Variants in CERS6 observed in about 807,000 individuals in gnomAD.
CERS6 encodes LAG1 homolog, ceramide synthase 6.
CERS6 carries 26 observed loss-of-function variants against 56.8 expected under a neutral mutation model. That is an observed-to-expected ratio of 0.46 (90% CI 0.34 to 0.63). The LOEUF (loss-of-function observed/expected upper bound fraction) is 0.63. CERS6 is among the 30% of genes least tolerant of loss of function. The pLI, the probability that CERS6 is intolerant of heterozygous loss-of-function variation, is 0.01. For synonymous variants in CERS6, 164 were observed against 173.3 expected (o/e 0.95, Z 0.42); for missense variants, 415 against 467.5 (o/e 0.89, Z 1.04).
intron 1 of CERS6, among the ~76,000 whole-genome samples, chr2:168,504,528 C>T (rs1901836): frequency 0.04 from 6,060 of 152,132 alleles, 221 homozygotes; most frequent in East Asian, 0.18. Context: ...TGCCTTTCCA[C>T]GTGAAGGCAA....
chr2:168,631,832 AT>A (rs1559028505), intron 4 of CERS6, among the ~76,000 whole-genome samples: 1 of 131,284 alleles, frequency 7.6e-6, no homozygotes, highest in Non-Finnish European at 1.5e-5. Flanking sequence ...ATTATATAAT[AT>A]ATATTATATA....
Position 168,663,901 on chromosome 2 carries a change from C to G in CERS6, c.466-27133C>G, listed in dbSNP as rs989516577. 3.3e-5 allele frequency among the ~76,000 whole-genome samples: 5 copies of G among 152,124 alleles called. No homozygotes were observed. The East Asian group carries it at 9.6e-4, about 29-fold the overall frequency. On this transcript the variant is annotated intron_variant, in intron 4 of 9. Transcript: ENST00000305747. ...AATTTGGGTCAGTTAAAAAAAATGGCTGCTCTTCACTGCTTTTCAGTAATA... is the reference window on the plus strand; with the variant it reads ...AATTTGGGTCAGTTAAAAAAAATGGGTGCTCTTCACTGCTTTTCAGTAATA...
intron 6 of CERS6, among the ~76,000 whole-genome samples, chr2:168,700,107 A>G (rs990355487): frequency 3.3e-5 from 5 of 150,328 alleles, no homozygotes; most frequent in Non-Finnish European, 4.5e-5. Flanking sequence ...TAAACCCGAG[A>G]GAAACACTAC....
chr2:168,631,788 TTA>T (rs1491192544), intron 4 of CERS6, among the ~76,000 whole-genome samples: 5 of 129,604 alleles, frequency 3.9e-5, no homozygotes, highest in Non-Finnish European at 6.3e-5. Flanking sequence ...TGTATATTTG[TTA>T]TATATAATAT....
At chr2:168,535,518 G>T (rs1695245469) in intron 1 of CERS6, among the ~76,000 whole-genome samples, 1 of 152,074 alleles carries the variant, frequency 6.6e-6, no homozygotes, top group Non-Finnish European at 1.5e-5. Flanking sequence ...GATCATGCCA[G>T]CCTCCTAGTG....
At chr2:168,517,422 G>A (rs1412788075) in intron 1 of CERS6, among the ~76,000 whole-genome samples, 1 of 151,834 alleles carries the variant, frequency 6.6e-6, no homozygotes, top group Non-Finnish European at 1.5e-5. Context: ...AACCCAGGAA[G>A]CGGAGGTCAC....
intron 9 of CERS6, among the ~76,000 whole-genome samples, chr2:168,768,290 C>T (rs1026757754): frequency 4.0e-5 from 6 of 151,098 alleles, no homozygotes; most frequent in Admixed American, 4.0e-4. Context: ...AGTGCAATGG[C>T]GCGATCTTGG....
chr2:168,677,083 AC>A lies in CERS6; in HGVS notation c.466-13950del, dbSNP rs200714359. Among the ~76,000 whole-genome samples the A allele has an allele frequency of 8.7e-3, 1,295 of 148,276 alleles. 17 individuals carry two copies. Among genetic ancestry groups the A allele is most frequent in the African/African-American group, 0.03 (1,211 of 39,898 alleles). ...TGTGCAGAATGTGCAGGTTCGTTAC[AC>A]AGGTATACATGTGCCATGGTGGTTT... On this transcript the variant is annotated intron_variant, in intron 4 of 9. Transcript: ENST00000305747.
At chr2:168,747,788 C>T (rs1307366140) in intron 8 of CERS6, among the ~76,000 whole-genome samples, 1 of 151,986 alleles carries the variant, frequency 6.6e-6, no homozygotes, top group Non-Finnish European at 1.5e-5. Flanking sequence ...GTTGCACTCA[C>T]CGTTAGCCCT....
chr2:168,541,048 T>C (rs949940722), intron 1 of CERS6, among the ~76,000 whole-genome samples: 2 of 152,160 alleles, frequency 1.3e-5, no homozygotes, highest in African/African-American at 2.4e-5. Context: ...CTTCCACTCA[T>C]GATGGAAGGT....
chr2:168,733,126 A>C (rs745958432), intron 8 of CERS6, among the ~76,000 whole-genome samples: 1 of 152,196 alleles, frequency 6.6e-6, no homozygotes, highest in African/African-American at 2.4e-5. Flanking sequence ...AAAAGGAATA[A>C]AATGGAACAT....
At chr2:168,543,100 T>C (rs1379858007) in intron 1 of CERS6, among the ~76,000 whole-genome samples, 1 of 152,254 alleles carries the variant, frequency 6.6e-6, no homozygotes, top group Non-Finnish European at 1.5e-5. Flanking sequence ...AAATACGTGT[T>C]GCCAAATAGA....
At chr2:168,564,807 TTAACCCTGAATC>T (rs1291295139) in intron 3 of CERS6, among the ~76,000 whole-genome samples, 1 of 152,196 alleles carries the variant, frequency 6.6e-6, no homozygotes, top group African/African-American at 2.4e-5. Context: ...TACTAGGAAT[TTAACCCTGAATC>T]ACATGCTGCC....
At chr2:168,758,549 G>A (rs943769478) in intron 8 of CERS6, among the ~76,000 whole-genome samples, 2 of 152,160 alleles carry the variant, frequency 1.3e-5, no homozygotes, top group Non-Finnish European at 2.9e-5. Flanking sequence ...CAAGGGCCAT[G>A]GTATCATCAA....
At chr2:168,706,051 C>T (rs912412800) in intron 6 of CERS6, among the ~76,000 whole-genome samples, 1 of 152,060 alleles carries the variant, frequency 6.6e-6, no homozygotes, top group African/African-American at 2.4e-5. Flanking sequence ...TAGCAAGGCT[C>T]GTAGTGATAG....
At chr2:168,516,346 A>G (rs1694883880) in intron 1 of CERS6, among the ~76,000 whole-genome samples, 1 of 152,182 alleles carries the variant, frequency 6.6e-6, no homozygotes, top group Non-Finnish European at 1.5e-5. Flanking sequence ...ACAATTTTAT[A>G]TACTATGTAA....
intron 8 of CERS6, among the ~76,000 whole-genome samples, chr2:168,760,225 T>G (rs1410920467): frequency 5.3e-5 from 8 of 152,286 alleles, no homozygotes; most frequent in Admixed American, 5.2e-4. Flanking sequence ...GGTCCCACAG[T>G]AGGCTGGCTG....
chr2:168,544,768 C>CG (rs1031907878), intron 1 of CERS6, among the ~76,000 whole-genome samples: 1 of 148,724 alleles, frequency 6.7e-6, no homozygotes, highest in African/African-American at 2.5e-5. Context: ...AAATACCAGA[C>CG]GGGGGACACT....
In CERS6 at chr2:168,456,409, C is replaced by T. The variant is rs1222884564; in HGVS notation, c.-40C>T. 10 of 1,527,594 alleles carry T rather than the reference C, an allele frequency of 6.5e-6. No individual in the cohort carries two copies. Among genetic ancestry groups the T allele is most frequent in the Non-Finnish European group, 8.8e-6 (10 of 1,130,004 alleles). 94.6% of individuals were successfully genotyped at this position (1,527,594 alleles called of 1,614,324 possible). Reference sequence around the variant, plus strand: ...GCGCCCTGCGCGGTGGAGAGCTTGGCGGGCTGCGGGTGCCGCAGGACAGGA... The same window carrying T: ...GCGCCCTGCGCGGTGGAGAGCTTGGTGGGCTGCGGGTGCCGCAGGACAGGA... On this transcript the variant is annotated 5_prime_UTR_variant, in exon 1 of 10. Transcript: ENST00000305747. This position sits in a 1 kb window ranked among gnomAD's most constrained non-coding sequence, Gnocchi z 4.1.
Sources: allele counts gnomAD v4.1 joint callset (sites outside exome capture counted in the v4.1 genomes callset), GRCh38; gene constraint gnomAD v4.1.1; non-coding constraint Gnocchi (gnomAD v3.1); transcripts MANE v1.5; gene names NCBI Gene and HGNC (gene_info 2026-07-23, HGNC 2026-07-21).